CTNND2: variants seen among roughly 807,000 people sequenced by gnomAD.
The protein encoded by CTNND2 is catenin delta-2.
Under a neutral mutation model 144.4 loss-of-function variants are expected in CTNND2, and 22 were observed. The observed-to-expected ratio is 0.15, with a 90% CI of 0.11 to 0.22. The LOEUF is 0.22. Among genes scored for constraint, CTNND2 ranks in the 10% least tolerant of loss-of-function variants. CTNND2 has a pLI of 1.00. For missense variants in CTNND2, 1,353 were observed against 1,618.8 expected (o/e 0.84, Z 2.82); for synonymous variants, 751 against 695.6 (o/e 1.08, Z -1.25).
intron 3 of CTNND2, among the ~76,000 whole-genome samples, chr5:11,516,664 A>G (rs1772188157): frequency 1.3e-5 from 2 of 152,190 alleles, no homozygotes; most frequent in South Asian, 2.1e-4. Flanking sequence ...AAAGAAGGAA[A>G]TGTTAAAGAT....
intron 9 of CTNND2, among the ~76,000 whole-genome samples, chr5:11,253,673 C>T (rs1347604910): frequency 6.6e-6 from 1 of 152,044 alleles, no homozygotes; most frequent in Non-Finnish European, 1.5e-5. Context: ...AATAATATAA[C>T]GATGATGTAA....
At chr5:11,250,491 C>CTCTATA (rs869141186) in intron 9 of CTNND2, among the ~76,000 whole-genome samples, 2,354 of 64,034 alleles carry the variant, frequency 0.037, 50 homozygotes, top group East Asian at 0.053. Context: ...CTCTCTCTCT[C>CTCTATA]TATATATATA....
At chr5:11,115,634 C>T (rs1473378555) in intron 13 of CTNND2, among the ~76,000 whole-genome samples, 2 of 152,194 alleles carry the variant, frequency 1.3e-5, no homozygotes, top group African/African-American at 4.8e-5. Flanking sequence ...CACTTAAGGC[C>T]TTCTGTGAAA....
intron 3 of CTNND2, among the ~76,000 whole-genome samples, chr5:11,454,000 C>T (rs539232761): frequency 2.0e-5 from 3 of 152,276 alleles, no homozygotes; most frequent in Admixed American, 2.0e-4. Flanking sequence ...TAGGATTTCA[C>T]ATATTTAAAA....
chr5:11,852,066 G>A (rs746637138), intron 1 of CTNND2, among the ~76,000 whole-genome samples: 53 of 152,084 alleles, frequency 3.5e-4, no homozygotes, highest in Middle Eastern at 6.8e-3. Flanking sequence ...CACCTCTTTA[G>A]TGGCACCCAA....
At chr5:11,340,667 G>T (rs770472629) in intron 9 of CTNND2, among the ~76,000 whole-genome samples, 9 of 152,164 alleles carry the variant, frequency 5.9e-5, no homozygotes, top group Non-Finnish European at 1.0e-4. Flanking sequence ...TTCCAGATAA[G>T]ATCAGTGATT....
intron 1 of CTNND2, among the ~76,000 whole-genome samples, chr5:11,868,036 T>G (rs772508749): frequency 6.6e-6 from 1 of 151,886 alleles, no homozygotes; most frequent in East Asian, 1.9e-4. Context: ...AGGGGCAGGA[T>G]AGACAGAGTC....
intron 13 of CTNND2, 87 bp downstream of exon 13, chr5:11,117,363 A>C: frequency 1.0e-6 from 1 of 987,660 alleles, no homozygotes; most frequent in Non-Finnish European, 1.6e-6. Context: ...GAAATACTGC[A>C]TTGGCTCTCC....
intron 3 of CTNND2, among the ~76,000 whole-genome samples, chr5:11,531,761 T>C (rs569007078): frequency 3.2e-4 from 48 of 152,320 alleles, no homozygotes; most frequent in Admixed American, 2.9e-3. Flanking sequence ...AAAGAGCATT[T>C]TGATATATGC....
At chr5:10,996,093 G>A (rs1174147839) in intron 18 of CTNND2, among the ~76,000 whole-genome samples, 1 of 152,166 alleles carries the variant, frequency 6.6e-6, no homozygotes, top group Admixed American at 6.5e-5. Context: ...GGAGGCTGTG[G>A]CAATGAACCA....
intron 9 of CTNND2, among the ~76,000 whole-genome samples, chr5:11,333,783 T>A (rs1288524252): frequency 1.3e-5 from 2 of 152,158 alleles, no homozygotes; most frequent in East Asian, 1.9e-4. Flanking sequence ...GGCAGGCAGG[T>A]TGACTCCTCA....
At chr5:11,220,062 A>ATT (rs1006258057) in intron 10 of CTNND2, among the ~76,000 whole-genome samples, 20 of 152,282 alleles carry the variant, frequency 1.3e-4, no homozygotes, top group Admixed American at 3.9e-4. Flanking sequence ...CTATTTTATC[A>ATT]TTTGTAAACG....
intron 11 of CTNND2, among the ~76,000 whole-genome samples, chr5:11,197,830 G>GC (rs1737026262): frequency 1.3e-5 from 2 of 152,214 alleles, no homozygotes; most frequent in African/African-American, 2.4e-5. Context: ...ACGTGGCTGA[G>GC]TTTTTCTGGC....
At position 11,466,895 on chromosome 5, in the gene CTNND2, A is replaced by T. The variant is rs1483678353; in HGVS notation, c.288-54826T>A. Among the ~76,000 whole-genome samples, 2 of 152,230 alleles carry T rather than the reference A, an allele frequency of 1.3e-5. 1 individual carries two copies. Among genetic ancestry groups the T allele is most frequent in the Non-Finnish European group, 2.9e-5 (2 of 68,048 alleles). On this transcript the variant is annotated intron_variant, in intron 3 of 21. Coordinates refer to ENST00000304623, the MANE Select transcript of CTNND2 (RefSeq NM_001332.4). ...TTCCCACACATGCGTGTACTGCAGC[A>T]ACAACATCACACAGGTGCAATTCAC...
intron 7 of CTNND2, among the ~76,000 whole-genome samples, chr5:11,369,132 G>A (rs954694637): frequency 6.6e-6 from 1 of 152,106 alleles, no homozygotes; most frequent in Non-Finnish European, 1.5e-5. Context: ...TGCAAAATGT[G>A]AATGTTATAG....
rs1580714833 is a variant in CTNND2 at position 11,252,449 on chromosome 5, T to C, written c.1629-15626A>G. Among the ~76,000 whole-genome samples, 3 of 152,164 alleles carry C rather than the reference T, an allele frequency of 2.0e-5. No homozygotes were observed. In the South Asian group the frequency reaches 6.2e-4, roughly 31 times the overall value. On this transcript the variant is annotated intron_variant, in intron 9 of 21. Coordinates refer to ENST00000304623, the MANE Select transcript of CTNND2 (RefSeq NM_001332.4). Reference sequence around the variant, plus strand: ...AATCAGAGAGATTATCTCCTGTACATAACAATATTCTACAATAAGCACTGG... The same window carrying C: ...AATCAGAGAGATTATCTCCTGTACACAACAATATTCTACAATAAGCACTGG...
At chr5:11,244,305 G>C (rs1438750834) in intron 9 of CTNND2, among the ~76,000 whole-genome samples, 1 of 36,786 alleles carries the variant, frequency 2.7e-5, no homozygotes, top group South Asian at 7.5e-4. Context: ...TTTTTTTTTT[G>C]AGACAGTCTT....
chr5:11,216,979 A>T (rs564570468), intron 10 of CTNND2, among the ~76,000 whole-genome samples: 8 of 152,278 alleles, frequency 5.3e-5, no homozygotes, highest in Admixed American at 3.9e-4. Context: ...CCGCCTAAAT[A>T]TAAGTCTGAT....
intron 2 of CTNND2, among the ~76,000 whole-genome samples, chr5:11,702,031 T>A (rs1243042421): frequency 6.6e-6 from 1 of 152,214 alleles, no homozygotes; most frequent in African/African-American, 2.4e-5. Flanking sequence ...GGGTTTGTCC[T>A]CTTCCTCATG....
Sources: allele counts gnomAD v4.1 joint callset (sites outside exome capture counted in the v4.1 genomes callset), GRCh38; gene constraint gnomAD v4.1.1; transcripts MANE v1.5; gene names NCBI Gene and HGNC (gene_info 2026-07-23, HGNC 2026-07-21).